ANO10: variants seen among roughly 807,000 people sequenced by gnomAD.
ANO10 encodes the protein anoctamin-10.
In ANO10, 77 loss-of-function variants were observed where a neutral mutation model predicts 74.7. The observed-to-expected ratio is 1.03, with a 90% confidence interval of 0.86 to 1.25. ANO10 has a LOEUF of 1.25. ANO10 is among the 50% of genes most tolerant of loss of function. The pLI is 0.00. For synonymous variants in ANO10, 279 were observed against 284.9 expected, an observed-to-expected ratio of 0.98 and a Z score of 0.21; for missense variants, 721 against 778.1, an observed-to-expected ratio of 0.93 and a Z score of 0.87.
At chr3:43,518,842 G>A (rs947843086) in intron 11 of ANO10, among the ~76,000 whole-genome samples, 3 of 152,096 alleles carry the variant, frequency 2.0e-5, no homozygotes, top group Admixed American at 6.6e-5. Flanking sequence ...ATGATAATGC[G>A]TGTCCAGTGG....
At chr3:43,605,680 C>T in intron 2 of ANO10, 34 bp downstream of exon 2, 2 of 1,611,690 alleles carry the variant, frequency 1.2e-6, no homozygotes, top group Non-Finnish European at 1.7e-6. Flanking sequence ...TGTGGGAGGC[C>T]AGACTAAGTC....
intron 11 of ANO10, among the ~76,000 whole-genome samples, chr3:43,502,036 T>C (rs1169851792): frequency 2.0e-5 from 3 of 152,092 alleles, no homozygotes; most frequent in Non-Finnish European, 4.4e-5. Context: ...TACGGAGAAA[T>C]TGGAATCCTT....
chr3:43,644,652 C>G (rs2083708020), intron 1 of ANO10, among the ~76,000 whole-genome samples: 2 of 152,190 alleles, frequency 1.3e-5, no homozygotes, highest in African/African-American at 4.8e-5. Flanking sequence ...TGTCACACTG[C>G]CAGGAGATCT....
At chr3:43,642,650 C>T (rs2083682143) in intron 1 of ANO10, among the ~76,000 whole-genome samples, 1 of 152,102 alleles carries the variant, frequency 6.6e-6, no homozygotes, top group African/African-American at 2.4e-5. Context: ...AAGTTTCACT[C>T]CTAACCCTCT....
At chr3:43,506,458 C>G (rs377312429) in intron 11 of ANO10, among the ~76,000 whole-genome samples, 1 of 152,246 alleles carries the variant, frequency 6.6e-6, no homozygotes, top group East Asian at 1.9e-4. Flanking sequence ...ACAGAGTATC[C>G]AGAGGCCCCA....
intron 11 of ANO10, chr3:43,486,009 C>T: frequency 3.8e-6 from 1 of 262,086 alleles, no homozygotes; most frequent in South Asian, 3.7e-5. Context: ...GAAATGGCTG[C>T]CACAGGGCCA....
At chr3:43,594,248 C>G (rs112434224) in intron 4 of ANO10, among the ~76,000 whole-genome samples, 2,720 of 152,176 alleles carry the variant, frequency 0.018, 71 homozygotes, top group African/African-American at 0.06. Context: ...ACTCAGCTCT[C>G]CACCAAGCGG....
intron 11 of ANO10, among the ~76,000 whole-genome samples, chr3:43,444,985 T>G (rs533657540): frequency 1.3e-5 from 2 of 151,966 alleles, no homozygotes; most frequent in South Asian, 4.2e-4. Context: ...TAGCCAGGCC[T>G]GGTGACAGGT....
At chr3:43,377,487 A>G (rs2091840901) in intron 12 of ANO10, among the ~76,000 whole-genome samples, 1 of 152,154 alleles carries the variant, frequency 6.6e-6, no homozygotes, top group African/African-American at 2.4e-5. Context: ...AAGCCCTTGG[A>G]GCCAAGGAGG....
At chr3:43,489,713 T>C (rs1457544724) in intron 11 of ANO10, among the ~76,000 whole-genome samples, 1 of 152,172 alleles carries the variant, frequency 6.6e-6, no homozygotes, top group Non-Finnish European at 1.5e-5. Context: ...TTAACTGGTA[T>C]TGAAAGTGCA....
intron 8 of ANO10, among the ~76,000 whole-genome samples, 190 bp downstream of exon 8, chr3:43,565,463 A>G (rs577782283): frequency 6.6e-6 from 1 of 152,284 alleles, no homozygotes; most frequent in African/African-American, 2.4e-5. Context: ...GGTTAGGTTC[A>G]ACTCATTTCA....
At chr3:43,462,709 G>C (rs55732649) in intron 11 of ANO10, among the ~76,000 whole-genome samples, 31,047 of 152,226 alleles carry the variant, frequency 0.2, 4,186 homozygotes, top group East Asian at 0.55. Flanking sequence ...AATGTCTCCA[G>C]AGCATGTCAG....
intron 12 of ANO10, among the ~76,000 whole-genome samples, chr3:43,407,359 T>C (rs921616002): frequency 6.6e-6 from 1 of 152,230 alleles, no homozygotes; most frequent in African/African-American, 2.4e-5. Context: ...ACTCTCTGAA[T>C]GCTAGTTAAA....
chr3:43,401,512 G>A (rs993075265), intron 12 of ANO10, among the ~76,000 whole-genome samples: 5 of 152,168 alleles, frequency 3.3e-5, no homozygotes, highest in African/African-American at 9.7e-5. Context: ...TTTTGATCTA[G>A]CTGCTTACAC....
At chr3:43,479,174 C>T (rs1039818930) in intron 11 of ANO10, among the ~76,000 whole-genome samples, 2 of 152,134 alleles carry the variant, frequency 1.3e-5, no homozygotes, top group South Asian at 2.1e-4. Flanking sequence ...TTCCTTTTCA[C>T]TCGTGCTAAC....
intron 1 of ANO10, among the ~76,000 whole-genome samples, chr3:43,685,031 T>C (rs2084257213): frequency 6.6e-6 from 1 of 152,132 alleles, no homozygotes; most frequent in African/African-American, 2.4e-5. Context: ...TGTATACATA[T>C]GTAACAAACC....
rs2091406719 is a variant in ANO10, at chr3:43,366,223, G to A, written c.*683C>T. The A allele has an allele frequency of 6.5e-6, 1 of 154,366 alleles. No individual in the cohort carries two copies. The highest frequency in any genetic ancestry group is 1.4e-5 in the Non-Finnish European group (1 of 69,594). The allele number at this position is 154,366 out of a possible 1,614,324, so 9.6% of individuals were successfully genotyped here. A position where few individuals can be genotyped will look rare whatever the true frequency, so the allele number is the denominator to read the frequency against. ...CTTCAGCTACAAGCTTTGGTGCCTG[G>A]CCTCCAGCCAAGCCCCTCACCCTGG... is the stretch of plus-strand genomic sequence containing the variant. On this transcript the variant is annotated 3_prime_UTR_variant, in exon 13 of 13. Coordinates refer to ENST00000292246, the MANE Select transcript of ANO10 (RefSeq NM_018075.5).
chr3:43,374,112 C>T (rs2091716124), intron 12 of ANO10, among the ~76,000 whole-genome samples: 1 of 152,192 alleles, frequency 6.6e-6, no homozygotes, highest in Non-Finnish European at 1.5e-5. Flanking sequence ...CTGTGGGGCT[C>T]AGGTCCATGG....
intron 12 of ANO10, among the ~76,000 whole-genome samples, chr3:43,386,030 C>T (rs2092105354): frequency 6.6e-6 from 1 of 152,210 alleles, no homozygotes; most frequent in African/African-American, 2.4e-5. Flanking sequence ...AGACACCCTT[C>T]TCCCCCAGGC....
Sources: gnomAD v4.1 joint callset for allele counts (sites outside exome capture counted in the v4.1 genomes callset) on GRCh38, gnomAD v4.1.1 for gene constraint, MANE v1.5 for transcripts, NCBI Gene and HGNC (gene_info 2026-07-23, HGNC 2026-07-21) for gene names.